MBP: variants seen among roughly 807,000 people sequenced by gnomAD.
MBP encodes the protein myelin basic protein, also known as Golli-MBP.
Under a neutral mutation model 35.8 loss-of-function variants are expected in MBP, and 16 were observed. That is an observed-to-expected ratio of 0.45 (90% confidence interval 0.30 to 0.68). The LOEUF (loss-of-function observed/expected upper bound fraction) is 0.68, where lower values mean the gene tolerates loss of function less well. Ranked by LOEUF, MBP falls within the 30% of genes least tolerant of loss-of-function variation. The pLI, the probability that MBP is intolerant of heterozygous loss-of-function variation, is 0.08. For missense variants in MBP, 380 were observed against 404.7 expected, an observed-to-expected ratio of 0.94 and a Z score of 0.52; for synonymous variants, 143 against 159.6, an observed-to-expected ratio of 0.90 and a Z score of 0.78.
intron 3 of MBP, among the ~76,000 whole-genome samples, chr18:77,029,793 A>C (rs62106762): frequency 1.2e-4 from 18 of 150,498 alleles, no homozygotes; most frequent in East Asian, 3.9e-4. Flanking sequence ...CACACACACA[A>C]ACACACACAC....
At chr18:77,055,316 A>G (rs1162774897) in intron 3 of MBP, among the ~76,000 whole-genome samples, 1 of 152,210 alleles carries the variant, frequency 6.6e-6, no homozygotes, top group Non-Finnish European at 1.5e-5. Flanking sequence ...GTGGCTTTGT[A>G]CCAACTGATA....
chr18:77,116,029 C>T (rs1622189), intron 1 of MBP, among the ~76,000 whole-genome samples: 6,423 of 91,202 alleles, frequency 0.07, no homozygotes, highest in South Asian at 0.11. Context: ...CCTTCTGGAA[C>T]TTTCCAGAGT....
Position 77,053,137 on chromosome 18 carries a change from G to A in MBP, c.139+13161C>T, listed in dbSNP as rs1449897468. ...GCAGAGAGGGGAACAGCACAGGCTC[G>A]CATGTCTCCAGGGAGCTCAACACCA... is the stretch of plus-strand genomic sequence containing the variant. On this transcript the variant is annotated intron_variant, in intron 3 of 8. Transcript: ENST00000355994. Among the ~76,000 whole-genome samples, 6 of 152,264 alleles carry A rather than the reference G, an allele frequency of 3.9e-5. No individual in the cohort carries two copies. The South Asian group carries it at 6.2e-4, about 16-fold the overall frequency.
chr18:77,023,834 G>C (rs113863965), intron 3 of MBP, among the ~76,000 whole-genome samples: 2,771 of 152,256 alleles, frequency 0.018, 30 homozygotes, highest in Non-Finnish European at 0.029. Context: ...TCACTCCTTA[G>C]TTCTCTTCTA....
chr18:77,112,035 C>T (rs1976472566), intron 1 of MBP, among the ~76,000 whole-genome samples: 1 of 152,166 alleles, frequency 6.6e-6, no homozygotes, highest in Non-Finnish European at 1.5e-5. Context: ...AATACCCAAG[C>T]ACTGAAGACT....
chr18:77,048,971 G>A (rs1028078506), intron 3 of MBP, among the ~76,000 whole-genome samples: 1 of 150,336 alleles, frequency 6.7e-6, no homozygotes, highest in Admixed American at 6.6e-5. Context: ...CCAGGCTGGA[G>A]TGCAGTGGCA....
intron 2 of MBP, among the ~76,000 whole-genome samples, chr18:77,097,993 T>G (rs1488468705): frequency 6.6e-6 from 1 of 152,144 alleles, no homozygotes; most frequent in Non-Finnish European, 1.5e-5. Context: ...TGTCTCTCCC[T>G]CTATGTGAGC....
intron 3 of MBP, among the ~76,000 whole-genome samples, chr18:77,057,761 C>G (rs182331294): frequency 3.0e-4 from 45 of 151,500 alleles, no homozygotes; most frequent in Non-Finnish European, 5.9e-4. Flanking sequence ...AACAAAGATG[C>G]AATGATTTAA....
In MBP at chr18:77,066,182, A is replaced by G. The variant is rs554699153; in HGVS notation, c.139+116T>C. The G allele has an allele frequency of 2.1e-4, 153 of 740,146 alleles. No homozygotes were observed. The African/African-American group carries it at 2.5e-3, about 12-fold the overall frequency. 45.8% of individuals were successfully genotyped at this position (740,146 alleles called of 1,614,324 possible). On this transcript the variant is annotated intron_variant, in intron 3 of 8. Transcript: ENST00000355994. ...CAGCCTCTATGTTTTAGTAATGAGTACAGACAGATCCATGGATCACCCATG... is the reference window on the plus strand; with the variant it reads ...CAGCCTCTATGTTTTAGTAATGAGTGCAGACAGATCCATGGATCACCCATG...
intron 3 of MBP, among the ~76,000 whole-genome samples, chr18:77,055,465 A>G (rs547122238): frequency 6.6e-6 from 1 of 152,088 alleles, no homozygotes; most frequent in East Asian, 1.9e-4. Context: ...CTGGCTGGGA[A>G]AGATGAACTG....
intron 3 of MBP, among the ~76,000 whole-genome samples, chr18:77,065,455 G>A (rs901852637): frequency 6.6e-6 from 1 of 152,144 alleles, no homozygotes; most frequent in African/African-American, 2.4e-5. Flanking sequence ...AATTTAGGGG[G>A]TTAAGCTTCC....
intron 3 of MBP, among the ~76,000 whole-genome samples, chr18:77,025,647 CCTGA>C (rs894628917): frequency 6.6e-6 from 1 of 150,800 alleles, no homozygotes; most frequent in African/African-American, 2.5e-5. Context: ...AATATCCATA[CCTGA>C]CTGTCTCCAG....
rs957572952 is a variant in MBP at position 77,103,314 on chromosome 18, G to A, written c.51+1897C>T. Among the ~76,000 whole-genome samples, 5 of 152,258 alleles carry A rather than the reference G, an allele frequency of 3.3e-5. No individual in the cohort carries two copies. In the East Asian group the frequency reaches 5.8e-4, roughly 18 times the overall value. On this transcript the variant is annotated intron_variant, in intron 2 of 8. Transcript: ENST00000355994. Reference sequence around the variant, plus strand: ...CTGAAATTCAATTCCGTTCAATTCCGCGGACATTTCTAAAGCATCTGGGTG... The same window carrying A: ...CTGAAATTCAATTCCGTTCAATTCCACGGACATTTCTAAAGCATCTGGGTG...
intron 3 of MBP, among the ~76,000 whole-genome samples, chr18:77,029,809 C>CACAT (rs112117938): frequency 6.6e-6 from 1 of 151,794 alleles, no homozygotes; most frequent in Non-Finnish European, 1.5e-5. Context: ...CACACACACA[C>CACAT]GCAGTCACCA....
intron 7 of MBP, chr18:76,987,272 T>C: frequency 1.0e-6 from 1 of 985,478 alleles, no homozygotes; most frequent in Non-Finnish European, 1.2e-6. Context: ...TCTTCTATCA[T>C]CTTTGTCTCC....
Position 76,979,455 on chromosome 18 carries a change from C to T in MBP, c.*972G>A. On this transcript the variant is annotated 3_prime_UTR_variant, in exon 9 of 9. Coordinates refer to ENST00000355994, the MANE Select transcript of MBP (RefSeq NM_001025101.2). ...GGTTAGTGCTGGCCACTGTGCACTG[C>T]CGCTGCCAGCACGCCCGGTCACAGC... The T allele has an allele frequency of 6.3e-6, 1 of 157,550 alleles. No homozygotes were observed. Among genetic ancestry groups the T allele is most frequent in the Non-Finnish European group, 1.4e-5 (1 of 71,462 alleles). The allele number at this position is 157,550 out of a possible 1,614,324, so 9.8% of individuals were successfully genotyped here.
chr18:77,038,359 C>T (rs1972857733), intron 3 of MBP, among the ~76,000 whole-genome samples: 4 of 152,242 alleles, frequency 2.6e-5, no homozygotes, highest in Admixed American at 2.6e-4. Context: ...AAAGACCTTT[C>T]TGATGCACTT....
intron 4 of MBP, among the ~76,000 whole-genome samples, chr18:76,998,185 G>A (rs1474305984): frequency 1.3e-5 from 2 of 152,060 alleles, no homozygotes; most frequent in East Asian, 3.9e-4. Context: ...TCCATCCCTG[G>A]CCCCAGCGTT....
At chr18:77,023,642 G>T (rs1972081022) in intron 3 of MBP, among the ~76,000 whole-genome samples, 1 of 152,122 alleles carries the variant, frequency 6.6e-6, no homozygotes, top group Admixed American at 6.5e-5. Context: ...TCCTCTCTCT[G>T]CCATTGGGTT....
Sources: allele counts gnomAD v4.1 joint callset (sites outside exome capture counted in the v4.1 genomes callset), GRCh38; gene constraint gnomAD v4.1.1; transcripts MANE v1.5; gene names NCBI Gene and HGNC (gene_info 2026-07-23, HGNC 2026-07-21).